The following RAB15 variants were observed in gnomAD, a reference collection of about 807,000 sequenced individuals.
RAB15 encodes the protein ras-related protein Rab-15.
RAB15 carries 13 observed loss-of-function variants against 31.8 expected under a neutral mutation model. The ratio of observed to expected loss-of-function variants is 0.41; its 90% CI spans 0.27 to 0.65. The LOEUF (loss-of-function observed/expected upper bound fraction) is 0.65. Ranked by LOEUF, RAB15 falls within the 30% of genes least tolerant of loss-of-function variation. The pLI is 0.32. For missense variants in RAB15, 220 were observed against 277.3 expected (o/e 0.79, Z 1.47); for synonymous variants, 100 against 105.6 (o/e 0.95, Z 0.33).
chr14:64,949,788 G>A (rs912507150), intron 5 of RAB15, among the ~76,000 whole-genome samples: 1 of 151,604 alleles, frequency 6.6e-6, no homozygotes, highest in African/African-American at 2.4e-5. Flanking sequence ...CTCTCTGGGA[G>A]GATGGTCTCC....
At position 64,948,540 on chromosome 14, in the gene RAB15, C is replaced by T. The variant is rs1470059388; in HGVS notation, c.481-28G>A. ...GGAAACCAAAGGGCACAGGTTAGTCCAGTGTCTCCTCCTCTCCCCTGGCAA... is the reference window on the plus strand; with the variant it reads ...GGAAACCAAAGGGCACAGGTTAGTCTAGTGTCTCCTCCTCTCCCCTGGCAA... On this transcript the variant is annotated intron_variant, in intron 6 of 6. Coordinates refer to ENST00000533601, the MANE Select transcript of RAB15 (RefSeq NM_001308154.2). This position sits in a 1 kb window ranked among gnomAD's most constrained non-coding sequence, Gnocchi z 7.0. 2 of 1,601,004 alleles carry T rather than the reference C, an allele frequency of 1.2e-6. No homozygotes were observed. Among genetic ancestry groups the T allele is most frequent in the Non-Finnish European group, 1.7e-6 (2 of 1,173,024 alleles).
In RAB15 at chr14:64,952,927, G is replaced by A. The variant is rs1344930897; in HGVS notation, c.125-356C>T. On this transcript the variant is annotated intron_variant, in intron 1 of 6. Coordinates refer to ENST00000533601, the MANE Select transcript of RAB15 (RefSeq NM_001308154.2). The surrounding 1 kb of genome is among the most constrained non-coding windows in gnomAD (Gnocchi z 4.2). ...TCCTATTTATACTTCTGGAGAGAAC[G>A]CTGTGTTTATCCTTCCTGAAATTCT... is the stretch of plus-strand genomic sequence containing the variant. Among the ~76,000 whole-genome samples, 2 of 152,216 alleles carry A rather than the reference G, an allele frequency of 1.3e-5. No homozygotes were observed. Among genetic ancestry groups the A allele is most frequent in the African/African-American group, 4.8e-5 (2 of 41,464 alleles).
chr14:64,951,080 C>G lies in RAB15; in HGVS notation c.318G>C (p.Val106=). The G allele has an allele frequency of 6.2e-7, 1 of 1,613,142 alleles. No individual in the cohort carries two copies. Among genetic ancestry groups the G allele is most frequent in the Non-Finnish European group, 8.5e-7 (1 of 1,180,012 alleles). Residue 106 remains valine, a synonymous_variant, in exon 4 of 7, where the codon GTG becomes GTC. Transcript: ENST00000533601. The surrounding 1 kb of genome is among the most constrained non-coding windows in gnomAD (Gnocchi z 7.2). ...GTGAGGTGGCATCTCCTACCTCATC[C>G]ACGTCACTGACCCACTTCATGATGT... is the stretch of plus-strand genomic sequence containing the variant. ...YQHIMKWVSD[V]DEYAPEGVQK...
intron 5 of RAB15, among the ~76,000 whole-genome samples, chr14:64,949,137 C>T (rs1378588772): frequency 6.6e-6 from 1 of 152,198 alleles, no homozygotes; most frequent in East Asian, 1.9e-4. Context: ...TAAGCCCCAG[C>T]TTTATCTTCT....
chr14:64,950,944 C>T lies in RAB15; in HGVS notation c.324+130G>A. The T allele has an allele frequency of 2.5e-6, 4 of 1,609,688 alleles. No individual in the cohort carries two copies. The highest frequency in any genetic ancestry group is 2.2e-5 in the South Asian group (2 of 90,790). On this transcript the variant is annotated intron_variant, in intron 4 of 6. Transcript: ENST00000533601. The surrounding 1 kb of genome is among the most constrained non-coding windows in gnomAD (Gnocchi z 5.6). ...GTTTCTTCCCCATGTCTTACTCACC[C>T]AGAGGTCTTCATCCAGGGCTGTGGA...
In RAB15 at chr14:64,950,132, A is replaced by G. The variant is rs546796413; in HGVS notation, c.414+193T>C. 2.0e-5 allele frequency among the ~76,000 whole-genome samples: 3 copies of G among 152,258 alleles called. No individual in the cohort carries two copies. The South Asian group carries it at 6.2e-4, about 32-fold the overall frequency. ...GTCTTTGTTTCTGGATGGACCCCGAATCTCTGGGCTTCTGTCCTGAAACCC... is the reference window on the plus strand; with the variant it reads ...GTCTTTGTTTCTGGATGGACCCCGAGTCTCTGGGCTTCTGTCCTGAAACCC... On this transcript the variant is annotated intron_variant, in intron 5 of 6. Transcript: ENST00000533601. The surrounding 1 kb of genome is among the most constrained non-coding windows in gnomAD (Gnocchi z 5.6).
chr14:64,969,940 GTA>G (rs1887339129), intron 1 of RAB15, among the ~76,000 whole-genome samples: 1 of 152,168 alleles, frequency 6.6e-6, no homozygotes, highest in Non-Finnish European at 1.5e-5. Context: ...GGCCATCCTG[GTA>G]TTTTAGAAAG....
Position 64,948,694 on chromosome 14 carries a change from C to A in RAB15, c.454G>T (p.Ala152Ser), listed in dbSNP as rs561822006. Residue 152 changes from alanine (A) to serine (S), a missense_variant, in exon 6 of 7, where the codon GCC becomes TCC. Ala to Ser is a moderately conservative substitution (Grantham distance 99, BLOSUM62 1). Coordinates refer to ENST00000533601, the MANE Select transcript of RAB15 (RefSeq NM_001308154.2). This position sits in a 1 kb window ranked among gnomAD's most constrained non-coding sequence, Gnocchi z 7.0. ...EYGMDFYETS[A>S]CTNLNIKESF... Reference sequence around the variant, plus strand: ...TCTTTAATGTTGAGGTTGGTGCAGGCACTTGTTTCATAGAAGTCCATGCCA... The same window carrying A: ...TCTTTAATGTTGAGGTTGGTGCAGGAACTTGTTTCATAGAAGTCCATGCCA... The A allele has an allele frequency of 1.8e-5, 29 of 1,614,140 alleles. 1 individual carries two copies. In the South Asian group the frequency reaches 3.2e-4, roughly 18 times the overall value.
In RAB15 at chr14:64,958,047, G is replaced by GA. The variant is rs1886672848; in HGVS notation, c.125-5477dup. The GA allele has an allele frequency of 6.6e-6, 1 of 152,246 alleles. No homozygotes were observed. The highest frequency in any genetic ancestry group is 1.5e-5 in the Non-Finnish European group (1 of 68,124). The allele number at this position is 152,246 out of a possible 1,614,324, so 9.4% of individuals were successfully genotyped here. On this transcript the variant is annotated intron_variant, in intron 1 of 6. Transcript: ENST00000533601. The surrounding 1 kb of genome is among the most constrained non-coding windows in gnomAD (Gnocchi z 4.4). ...CAACCTCTGCCTCCTGGGTTCAAGC[G>GA]ATTCTCCTGCCTCAGCCTCCCAAGT...
At position 64,950,591 on chromosome 14, in the gene RAB15, AC is replaced by A; in HGVS notation, c.325-178del. On this transcript the variant is annotated intron_variant, in intron 4 of 6. Transcript: ENST00000533601. The surrounding 1 kb of genome is among the most constrained non-coding windows in gnomAD (Gnocchi z 5.6). ...TGCCATGGCTGACCTCAAGGGTATC[AC>A]GGGGAGAGCTTAGGGTAGAAGACAC... The A allele has an allele frequency of 1.5e-6, 1 of 654,570 alleles. No individual in the cohort carries two copies. The highest frequency in any genetic ancestry group is 1.7e-5 in the South Asian group (1 of 57,802). 40.5% of individuals were successfully genotyped at this position (654,570 alleles called of 1,614,324 possible). A position where few individuals can be genotyped will look rare whatever the true frequency, so the allele number is the denominator to read the frequency against.
chr14:64,950,482 C>T lies in RAB15; in HGVS notation c.325-68G>A. 1.6e-6 allele frequency: 2 copies of T among 1,284,642 alleles called. No homozygotes were observed. Among genetic ancestry groups the T allele is most frequent in the East Asian group, 2.3e-5 (1 of 43,282 alleles). The allele number at this position is 1,284,642 out of a possible 1,614,324, so 79.6% of individuals were successfully genotyped here. On this transcript the variant is annotated intron_variant, in intron 4 of 6. Transcript: ENST00000533601. The surrounding 1 kb of genome is among the most constrained non-coding windows in gnomAD (Gnocchi z 5.6). ...GCCCCCCCAATTTTCCCTACAGAGTCTGCACTGCCTCCAGCCCACCACCAA... is the reference window on the plus strand; with the variant it reads ...GCCCCCCCAATTTTCCCTACAGAGTTTGCACTGCCTCCAGCCCACCACCAA...
Position 64,948,822 on chromosome 14 carries a change from C to A in RAB15, c.415-89G>T. 2 of 1,129,696 alleles carry A rather than the reference C, an allele frequency of 1.8e-6. No individual in the cohort carries two copies. Among genetic ancestry groups the A allele is most frequent in the South Asian group, 1.3e-5 (1 of 77,706 alleles). The allele number at this position is 1,129,696 out of a possible 1,614,324, so 70.0% of individuals were successfully genotyped here. On this transcript the variant is annotated intron_variant, in intron 5 of 6. Transcript: ENST00000533601. This position sits in a 1 kb window ranked among gnomAD's most constrained non-coding sequence, Gnocchi z 7.0. ...GCACAGGCTTCTGCCACTGCACTCACAACCATGCTGTGTTGTGACGATTTC... is the reference window on the plus strand; with the variant it reads ...GCACAGGCTTCTGCCACTGCACTCAAAACCATGCTGTGTTGTGACGATTTC...
chr14:64,949,189 A>G (rs1469189634), intron 5 of RAB15, among the ~76,000 whole-genome samples: 2 of 152,142 alleles, frequency 1.3e-5, no homozygotes, highest in Non-Finnish European at 2.9e-5. Context: ...TGGTTGTGGG[A>G]TGATTCAGTG....
chr14:64,959,511 C>G (rs1341226459), intron 1 of RAB15, among the ~76,000 whole-genome samples: 2 of 152,148 alleles, frequency 1.3e-5, no homozygotes, highest in African/African-American at 4.8e-5. Context: ...TTTAAAATCT[C>G]TGCCACATAG....
chr14:64,949,660 T>TTG (rs929320305), intron 5 of RAB15, among the ~76,000 whole-genome samples: 2 of 149,690 alleles, frequency 1.3e-5, no homozygotes, highest in African/African-American at 4.9e-5. Flanking sequence ...GAGGCAGAGG[T>TTG]TGCAGTGAGC....
chr14:64,971,711 T>G lies in RAB15; in HGVS notation c.124+242A>C, dbSNP rs1287864015. On this transcript the variant is annotated intron_variant, in intron 1 of 6. Transcript: ENST00000533601. This position sits in a 1 kb window ranked among gnomAD's most constrained non-coding sequence, Gnocchi z 4.1. ...CCTCACCCCCGGTTTCTCGGTTTGA[T>G]GGGACGGAAGGCTTCCCGGCAAGAG... 5.5e-6 allele frequency: 3 copies of G among 541,428 alleles called. No individual in the cohort carries two copies. Among genetic ancestry groups the G allele is most frequent in the Admixed American group, 3.4e-5 (1 of 29,846 alleles). The allele number at this position is 541,428 out of a possible 1,614,324, so 33.5% of individuals were successfully genotyped here. A position where few individuals can be genotyped will look rare whatever the true frequency, so the allele number is the denominator to read the frequency against.
Position 64,948,194 on chromosome 14 carries a change from C to A in RAB15, c.*160G>T. 1 of 734,376 alleles carries A rather than the reference C, an allele frequency of 1.4e-6. No homozygotes were observed. The highest frequency in any genetic ancestry group is 2.1e-6 in the Non-Finnish European group (1 of 481,054). The allele number at this position is 734,376 out of a possible 1,614,324, so 45.5% of individuals were successfully genotyped here. A position where few individuals can be genotyped will look rare whatever the true frequency, so the allele number is the denominator to read the frequency against. On this transcript the variant is annotated 3_prime_UTR_variant, in exon 7 of 7. Coordinates refer to ENST00000533601, the MANE Select transcript of RAB15 (RefSeq NM_001308154.2). This position sits in a 1 kb window ranked among gnomAD's most constrained non-coding sequence, Gnocchi z 7.0. The stretch of plus-strand genomic sequence containing the variant: ...GGACAGGGGCTGCTTGAGATGACAG[C>A]AGAGCCGCTCTCAGGGCCAGGCAGG...
At chr14:64,961,429 G>A (rs1297272243) in intron 1 of RAB15, among the ~76,000 whole-genome samples, 1 of 152,218 alleles carries the variant, frequency 6.6e-6, no homozygotes, top group Non-Finnish European at 1.5e-5. Context: ...AGGGGTCAGT[G>A]CTTTAGACTA....
chr14:64,964,980 C>T (rs894697625), intron 1 of RAB15, among the ~76,000 whole-genome samples: 6 of 152,154 alleles, frequency 3.9e-5, no homozygotes, highest in Admixed American at 3.9e-4. Flanking sequence ...GGGTCTCACT[C>T]TGTCACCCAG....
Sources: gnomAD v4.1 joint callset for allele counts (sites outside exome capture counted in the v4.1 genomes callset) on GRCh38, gnomAD v4.1.1 for gene constraint, Gnocchi (gnomAD v3.1) non-coding constraint, MANE v1.5 for transcripts, NCBI Gene and HGNC (gene_info 2026-07-23, HGNC 2026-07-21) for gene names.